The following OPCML variants were observed in gnomAD, a reference collection of about 807,000 sequenced individuals.
The protein encoded by OPCML is opioid binding protein/cell adhesion molecule like, also known as opioid-binding protein/cell adhesion molecule.
A neutral mutation model predicts 37.8 loss-of-function variants in OPCML; 13 were observed. The observed-to-expected ratio is 0.34, with a 90% CI of 0.22 to 0.55. The LOEUF (loss-of-function observed/expected upper bound fraction) is 0.55. Ranked by LOEUF, OPCML falls within the 20% of genes least tolerant of loss-of-function variation. The pLI is 0.91. For missense variants in OPCML, 341 were observed against 435.6 expected (o/e 0.78, Z 1.93); for synonymous variants, 176 against 168.8 (o/e 1.04, Z -0.33).
intron 4 of OPCML, among the ~76,000 whole-genome samples, chr11:132,525,048 C>G (rs1172080715): frequency 6.6e-6 from 1 of 152,206 alleles, no homozygotes; most frequent in Admixed American, 6.5e-5. Flanking sequence ...ACCAGTGCAG[C>G]ACTACCTGAA....
intron 4 of OPCML, among the ~76,000 whole-genome samples, chr11:132,482,050 G>A (rs2137022311): frequency 6.6e-6 from 1 of 150,430 alleles, no homozygotes; most frequent in South Asian, 2.1e-4. Flanking sequence ...GCTAACAGAA[G>A]GCAAGAAATA....
At chr11:132,504,691 T>C (rs1451851513) in intron 4 of OPCML, among the ~76,000 whole-genome samples, 1 of 152,012 alleles carries the variant, frequency 6.6e-6, no homozygotes, top group Non-Finnish European at 1.5e-5. Context: ...GCATGGCAGC[T>C]GGCTGCTCTC....
intron 1 of OPCML, among the ~76,000 whole-genome samples, chr11:133,458,084 T>G (rs1946713579): frequency 6.6e-6 from 1 of 151,812 alleles, no homozygotes. Flanking sequence ...AGGCAGAGGT[T>G]GCAGTGAGCC....
chr11:133,380,984 G>A (rs1944916882), intron 1 of OPCML, among the ~76,000 whole-genome samples: 1 of 152,204 alleles, frequency 6.6e-6, no homozygotes, highest in Admixed American at 6.5e-5. Context: ...CCTTGTGCAT[G>A]GAGGGAAGGC....
At chr11:132,455,535 T>C (rs779215013) in intron 4 of OPCML, among the ~76,000 whole-genome samples, 2 of 152,198 alleles carry the variant, frequency 1.3e-5, no homozygotes, top group Admixed American at 6.5e-5. Context: ...CTTAGGAGCA[T>C]GCTATCTCCC....
chr11:132,610,212 C>T (rs1029578352), intron 3 of OPCML, among the ~76,000 whole-genome samples: 2 of 152,162 alleles, frequency 1.3e-5, no homozygotes, highest in African/African-American at 4.8e-5. Context: ...ATCTCCAGCC[C>T]CTCCTCTCCA....
chr11:132,875,186 G>A (rs760993294), intron 2 of OPCML, among the ~76,000 whole-genome samples: 1 of 152,100 alleles, frequency 6.6e-6, no homozygotes, highest in East Asian at 1.9e-4. Flanking sequence ...ATGAACTCAT[G>A]CTACATTATG....
rs562056846 is a variant in OPCML, at chr11:132,552,763, C to CTTTTTTTTTTTTTT, written c.380-23591_380-23578dup. Among the ~76,000 whole-genome samples, 71 of 92,786 alleles carry CTTTTTTTTTTTTTT rather than the reference C, an allele frequency of 7.7e-4. 17 individuals are homozygous for CTTTTTTTTTTTTTT. Among genetic ancestry groups the CTTTTTTTTTTTTTT allele is most frequent in the African/African-American group, 3.3e-3 (58 of 17,840 alleles). The allele number at this position is 92,786 out of a possible 152,430, so 60.9% of individuals were successfully genotyped here. A position where few individuals can be genotyped will look rare whatever the true frequency, so the allele number is the denominator to read the frequency against. ...TAGTCAAACTAAATTAAACACTACT[C>CTTTTTTTTTTTTTT]TTTTTTTTTTTTTTTTGAGACCGAG... On this transcript the variant is annotated intron_variant, in intron 3 of 7. Coordinates refer to ENST00000524381, the MANE Select transcript of OPCML (RefSeq NM_001012393.5).
At chr11:133,025,393 C>T (rs1237263492) in intron 1 of OPCML, 1 of 985,248 alleles carries the variant, frequency 1.0e-6, no homozygotes, top group Middle Eastern at 5.2e-4. Flanking sequence ...CAGTACTAGC[C>T]AAGAGTATTC....
intron 1 of OPCML, among the ~76,000 whole-genome samples, chr11:133,240,184 G>A (rs1305725236): frequency 2.6e-5 from 3 of 116,470 alleles, no homozygotes; most frequent in African/African-American, 1.0e-4. Context: ...CTCTAGAATG[G>A]ACTGAATGAA....
At chr11:133,005,584 T>G (rs997741900) in intron 1 of OPCML, 2 of 985,118 alleles carry the variant, frequency 2.0e-6, no homozygotes, top group Non-Finnish European at 2.4e-6. Context: ...ATCCCTTTCC[T>G]TAGGGACTAC....
chr11:133,435,241 T>A (rs903248179), intron 1 of OPCML, among the ~76,000 whole-genome samples: 1 of 152,188 alleles, frequency 6.6e-6, no homozygotes, highest in Non-Finnish European at 1.5e-5. Flanking sequence ...GGTCTCAGGG[T>A]ATATCGCTTG....
At chr11:132,448,345 G>T (rs560453719) in intron 4 of OPCML, among the ~76,000 whole-genome samples, 6 of 152,246 alleles carry the variant, frequency 3.9e-5, no homozygotes, top group Non-Finnish European at 7.3e-5. Flanking sequence ...TAGCTTGTAG[G>T]CAAAGTACCC....
At chr11:132,571,600 A>G (rs2096438626) in intron 3 of OPCML, among the ~76,000 whole-genome samples, 1 of 152,136 alleles carries the variant, frequency 6.6e-6, no homozygotes, top group South Asian at 2.1e-4. Context: ...CATATTGCAG[A>G]GTTTCCTTTT....
chr11:133,402,819 A>G (rs555571447), intron 1 of OPCML, among the ~76,000 whole-genome samples: 49 of 152,292 alleles, frequency 3.2e-4, no homozygotes, highest in Non-Finnish European at 6.3e-4. Flanking sequence ...ACTCTAAGCC[A>G]TGAAAGCACC....
intron 1 of OPCML, among the ~76,000 whole-genome samples, chr11:133,458,749 A>T (rs564473495): frequency 3.2e-5 from 1 of 30,910 alleles, no homozygotes; most frequent in Non-Finnish European, 6.5e-5. Context: ...ACGTGTGTGT[A>T]TATATACACA....
chr11:132,573,991 G>T (rs2096444163), intron 3 of OPCML, among the ~76,000 whole-genome samples: 1 of 151,820 alleles, frequency 6.6e-6, no homozygotes, highest in Non-Finnish European at 1.5e-5. Flanking sequence ...ATTTCCTCTA[G>T]CTTATCCGAT....
At chr11:133,350,342 TTCAACCATGTATTTCA>T (rs1944106414) in intron 1 of OPCML, among the ~76,000 whole-genome samples, 1 of 152,234 alleles carries the variant, frequency 6.6e-6, no homozygotes, top group Non-Finnish European at 1.5e-5. Flanking sequence ...ATGATGGTTT[TTCAACCATGTATTTCA>T]AGAAATTGAC....
At chr11:132,995,718 G>T (rs1346145025) in intron 1 of OPCML, among the ~76,000 whole-genome samples, 1 of 152,116 alleles carries the variant, frequency 6.6e-6, no homozygotes, top group Middle Eastern at 3.2e-3. Context: ...TCCTGTGAGG[G>T]CTAAAACCAA....
Sources: gnomAD v4.1 joint callset for allele counts (sites outside exome capture counted in the v4.1 genomes callset) on GRCh38, gnomAD v4.1.1 for gene constraint, MANE v1.5 for transcripts, NCBI Gene and HGNC (gene_info 2026-07-23, HGNC 2026-07-21) for gene names.